The following TOPBP1 variants were observed in gnomAD, a reference collection of about 807,000 sequenced individuals.
The protein encoded by TOPBP1 is DNA topoisomerase 2-binding protein 1.
In TOPBP1, 28 loss-of-function variants were observed where a neutral mutation model predicts 167.7. The ratio of observed to expected loss-of-function variants is 0.17; its 90% CI spans 0.12 to 0.23. The LOEUF (loss-of-function observed/expected upper bound fraction) is 0.23, where lower values mean the gene tolerates loss of function less well. Ranked by LOEUF, TOPBP1 falls within the 10% of genes least tolerant of loss-of-function variation. TOPBP1 has a pLI of 1.00. For synonymous variants in TOPBP1, 598 were observed against 611.4 expected (o/e 0.98, Z 0.32); for missense variants, 1,554 against 1,809.6 (o/e 0.86, Z 2.56).
chr3:133,656,525 TG>T (rs1936482639), intron 5 of TOPBP1, 150 bp downstream of exon 5: 2 of 685,194 alleles, frequency 2.9e-6, no homozygotes, highest in Admixed American at 7.5e-5. Flanking sequence ...AATAAGAGCT[TG>T]TAGATTCTGC....
chr3:133,619,119 A>AAAAAAAAC (rs1553722732), intron 20 of TOPBP1, among the ~76,000 whole-genome samples: 1 of 144,390 alleles, frequency 6.9e-6, no homozygotes, highest in Non-Finnish European at 1.6e-5. Context: ...AGCAAAAAAA[A>AAAAAAAAC]AAAAAACAAA....
At chr3:133,611,193 T>G in intron 24 of TOPBP1, 52 bp from the exon 25 acceptor site, 1 of 1,570,764 alleles carries the variant, frequency 6.4e-7, no homozygotes, top group Non-Finnish European at 8.6e-7. Flanking sequence ...GGAGCCACTG[T>G]GCAACATACA....
At chr3:133,647,319 G>A (rs1368259880) in intron 10 of TOPBP1, among the ~76,000 whole-genome samples, 7 of 152,148 alleles carry the variant, frequency 4.6e-5, no homozygotes, top group African/African-American at 1.2e-4. Flanking sequence ...CCAACTTAAA[G>A]GCATATTGAG....
At chr3:133,606,462 G>C (rs1216575930) in intron 27 of TOPBP1, among the ~76,000 whole-genome samples, 1 of 146,706 alleles carries the variant, frequency 6.8e-6, no homozygotes, top group African/African-American at 2.5e-5. Context: ...GGTCTATAGA[G>C]TCAGTGCAAT....
In TOPBP1 at chr3:133,632,735, A is replaced by G. The variant is rs373546545; in HGVS notation, c.2521-4002T>C. On this transcript the variant is annotated intron_variant, in intron 14 of 27. Coordinates refer to ENST00000260810, the MANE Select transcript of TOPBP1 (RefSeq NM_007027.4). The stretch of plus-strand genomic sequence containing the variant: ...TCTTCCTTCTCTCATCTGCATCATC[A>G]ATTGGCTCTCTAATGGCAGTTACAC... Among the ~76,000 whole-genome samples, 245 of 152,056 alleles carry G rather than the reference A, an allele frequency of 1.6e-3. 1 individual carries two copies. The highest frequency in any genetic ancestry group is 5.7e-3 in the African/African-American group (238 of 41,478).
rs1935958368 is a variant in TOPBP1 at position 133,643,300 on chromosome 3, T to A, written c.1921A>T (p.Thr641Ser). 1 of 1,613,102 alleles carries A rather than the reference T, an allele frequency of 6.2e-7. No individual in the cohort carries two copies. The highest frequency in any genetic ancestry group is 8.5e-7 in the Non-Finnish European group (1 of 1,179,548). The change falls in exon 12 of 28, where the codon ACA (threonine) becomes TCA (serine). Residue 641 changes from threonine (T) to serine (S), a missense_variant. Thr to Ser is a moderately conservative substitution (Grantham distance 58). This residue lies in a region of TOPBP1 where 1,197 missense variants were observed against 1,351.5 expected (regional missense o/e 0.89). Coordinates refer to ENST00000260810, the MANE Select transcript of TOPBP1 (RefSeq NM_007027.4). ...NPLFTPVPVM[T>S]GMTPLEDCVI... ...CAATCCTCTAAAGGAGTCATTCCTG[T>A]CATTACTGGAACTGGTGTGAAGAGA...
intron 14 of TOPBP1, 143 bp downstream of exon 14, chr3:133,637,733 C>T (rs1269304077): frequency 1.2e-6 from 1 of 847,676 alleles, no homozygotes; most frequent in Non-Finnish European, 1.8e-6. Context: ...GGACTCAAAA[C>T]GTTCAAACTC....
chr3:133,652,365 T>C (rs1011107844), intron 8 of TOPBP1, 98 bp downstream of exon 8: 81 of 1,299,806 alleles, frequency 6.2e-5, no homozygotes, highest in South Asian at 1.2e-4. Context: ...TTTACATAGA[T>C]AGTAAGGAGC....
intron 27 of TOPBP1, among the ~76,000 whole-genome samples, chr3:133,607,658 GGTCC>G (rs2107769032): frequency 6.6e-6 from 1 of 152,044 alleles, no homozygotes; most frequent in East Asian, 1.9e-4. Flanking sequence ...GGAGTCCAAG[GGTCC>G]ATCAATAGGA....
intron 27 of TOPBP1, among the ~76,000 whole-genome samples, chr3:133,607,370 A>T (rs1467870806): frequency 6.6e-6 from 1 of 152,102 alleles, no homozygotes; most frequent in African/African-American, 2.4e-5. Context: ...GATGACAAAC[A>T]GCTACTAAAA....
At chr3:133,624,285 G>T in intron 16 of TOPBP1, 110 bp from the exon 17 acceptor site, 1 of 1,250,964 alleles carries the variant, frequency 8.0e-7, no homozygotes, top group East Asian at 2.4e-5. Context: ...AAAACTTTCG[G>T]ACTAGAGTAA....
chr3:133,646,425 A>G (rs1354673872), intron 10 of TOPBP1, among the ~76,000 whole-genome samples: 1 of 151,972 alleles, frequency 6.6e-6, no homozygotes, highest in Admixed American at 6.6e-5. Context: ...CTAAGACAGG[A>G]GGATCACATG....
Position 133,619,705 on chromosome 3 carries a change from C to T in TOPBP1, c.3371+450G>A, listed in dbSNP as rs369748483. Among the ~76,000 whole-genome samples the T allele has an allele frequency of 4.6e-5, 7 of 152,282 alleles. 1 individual carries two copies. Among genetic ancestry groups the T allele is most frequent in the Admixed American group, 6.5e-5 (1 of 15,296 alleles). ...TAATACTAAAGAGCAGAGAGAACTG[C>T]CTACTGAATCCATTTCAAATGAGGC... On this transcript the variant is annotated intron_variant, in intron 20 of 27. Coordinates refer to ENST00000260810, the MANE Select transcript of TOPBP1 (RefSeq NM_007027.4).
intron 21 of TOPBP1, 108 bp from the exon 22 acceptor site, chr3:133,617,434 C>G: frequency 7.8e-7 from 1 of 1,285,632 alleles, no homozygotes; most frequent in Middle Eastern, 2.8e-4. Flanking sequence ...AGCACAAACT[C>G]TGGAATGTAA....
At chr3:133,643,905 T>C (rs888034928) in intron 11 of TOPBP1, 115 bp downstream of exon 11, 1 of 1,091,938 alleles carries the variant, frequency 9.2e-7, no homozygotes. Flanking sequence ...AAATCAAGAG[T>C]GTTCAAGTCC....
chr3:133,657,797 C>A lies in TOPBP1; in HGVS notation c.363+1G>T. The A allele has an allele frequency of 6.5e-7, 1 of 1,536,890 alleles. No individual in the cohort carries two copies. The highest frequency in any genetic ancestry group is 1.3e-5 in the South Asian group (1 of 78,478). On this transcript the variant is annotated splice_donor_variant, in intron 4 of 27. Transcript: ENST00000260810. LOFTEE classifies it high-confidence loss of function. ...TCAATCATCATGAGATCAATATCTA[C>A]CCTTTTTTCTTTTTCCAGACTTGTA...
At chr3:133,653,320 T>G (rs758304224) in intron 7 of TOPBP1, 25 bp downstream of exon 7, 1 of 1,535,578 alleles carries the variant, frequency 6.5e-7, no homozygotes, top group Non-Finnish European at 8.7e-7. Flanking sequence ...TTCAGAATAA[T>G]TATTTTAATC....
At chr3:133,660,071 A>G (rs144048888) in intron 2 of TOPBP1, among the ~76,000 whole-genome samples, 31 of 152,250 alleles carry the variant, frequency 2.0e-4, no homozygotes, top group African/African-American at 7.2e-4. Flanking sequence ...ACAACAGTAC[A>G]CTAAACTTGG....
chr3:133,618,036 G>A (rs1180178520), intron 21 of TOPBP1, 177 bp downstream of exon 21: 4 of 587,966 alleles, frequency 6.8e-6, no homozygotes, highest in Non-Finnish European at 9.0e-6. Context: ...TACTGATGAA[G>A]TACCTCAATT....
Sources: allele counts gnomAD v4.1 joint callset (sites outside exome capture counted in the v4.1 genomes callset), GRCh38; gene constraint gnomAD v4.1.1; regional missense constraint gnomAD v4.1.1; transcripts MANE v1.5; gene names NCBI Gene and HGNC (gene_info 2026-07-23, HGNC 2026-07-21).